The following RBMS1 variants were observed in gnomAD, a reference collection of about 807,000 sequenced individuals.
The protein encoded by RBMS1 is RNA binding motif single stranded interacting protein 1.
A neutral mutation model predicts 62.3 loss-of-function variants in RBMS1; 17 were observed. The ratio of observed to expected loss-of-function variants is 0.27; its 90% CI spans 0.19 to 0.41. The LOEUF (loss-of-function observed/expected upper bound fraction) is 0.41. Ranked by LOEUF, RBMS1 falls within the 10% of genes least tolerant of loss-of-function variation. RBMS1 has a pLI of 1.00. For synonymous variants in RBMS1, 172 were observed against 170.0 expected, an observed-to-expected ratio of 1.01 and a Z score of -0.09; for missense variants, 334 against 504.5, an observed-to-expected ratio of 0.66 and a Z score of 3.24.
intron 1 of RBMS1, among the ~76,000 whole-genome samples, chr2:160,401,697 A>G (rs913268904): frequency 6.6e-6 from 1 of 152,232 alleles, no homozygotes; most frequent in Non-Finnish European, 1.5e-5. Flanking sequence ...GCATATACTA[A>G]TAATCAAACC....
rs181931874 is a variant in RBMS1 at position 160,370,433 on chromosome 2, G to C, written c.76-3042C>G. Among the ~76,000 whole-genome samples the C allele has an allele frequency of 1.2e-4, 19 of 152,298 alleles. No individual in the cohort carries two copies. The East Asian group carries it at 3.5e-3, about 28-fold the overall frequency. The stretch of plus-strand genomic sequence containing the variant: ...GTGGATCACGGAGTCAGGAGTTCGA[G>C]ACCAGCCTGGCCACCATGGTGAAAC... On this transcript the variant is annotated intron_variant, in intron 1 of 13. Transcript: ENST00000348849.
intron 1 of RBMS1, among the ~76,000 whole-genome samples, chr2:160,487,165 T>C (rs1336986199): frequency 6.6e-6 from 1 of 152,234 alleles, no homozygotes; most frequent in Non-Finnish European, 1.5e-5. Flanking sequence ...AAAACAATGC[T>C]GGTAAGTAAA....
intron 6 of RBMS1, among the ~76,000 whole-genome samples, chr2:160,293,220 A>G: frequency 6.6e-6 from 1 of 152,208 alleles, no homozygotes; most frequent in Non-Finnish European, 1.5e-5. Context: ...CCTTTGAAAA[A>G]TCTCCAGGCC....
At chr2:160,475,707 T>A (rs1204415696) in intron 1 of RBMS1, among the ~76,000 whole-genome samples, 1 of 152,178 alleles carries the variant, frequency 6.6e-6, no homozygotes, top group African/African-American at 2.4e-5. Flanking sequence ...CAGTTTTAGG[T>A]CCTTAGAAAC....
At chr2:160,311,479 T>C (rs1689913000) in intron 4 of RBMS1, among the ~76,000 whole-genome samples, 1 of 152,014 alleles carries the variant, frequency 6.6e-6, no homozygotes, top group South Asian at 2.1e-4. Context: ...GGGAGGTAAC[T>C]TATCCGCTTA....
chr2:160,442,377 C>G (rs1284534931), intron 1 of RBMS1, among the ~76,000 whole-genome samples: 1 of 152,102 alleles, frequency 6.6e-6, no homozygotes, highest in Non-Finnish European at 1.5e-5. Flanking sequence ...CTTCTTAGTA[C>G]TACATTTGCC....
chr2:160,321,481 T>A (rs2105973047), intron 2 of RBMS1, among the ~76,000 whole-genome samples: 1 of 152,306 alleles, frequency 6.6e-6, no homozygotes, highest in Non-Finnish European at 1.5e-5. Flanking sequence ...CTTCCTTGTG[T>A]GTGTATGTGT....
intron 1 of RBMS1, among the ~76,000 whole-genome samples, chr2:160,471,526 G>A (rs1441703733): frequency 6.6e-6 from 1 of 151,176 alleles, no homozygotes; most frequent in African/African-American, 2.4e-5. Flanking sequence ...TATTTTTGGG[G>A]AGAGAGAAGC....
intron 2 of RBMS1, among the ~76,000 whole-genome samples, chr2:160,331,063 G>T (rs1298664959): frequency 6.6e-6 from 1 of 152,118 alleles, no homozygotes; most frequent in Non-Finnish European, 1.5e-5. Flanking sequence ...GCTGGAAGAG[G>T]TAACGAAGCA....
chr2:160,486,962 A>G (rs915066386), intron 1 of RBMS1, among the ~76,000 whole-genome samples: 1 of 152,262 alleles, frequency 6.6e-6, no homozygotes, highest in Admixed American at 6.5e-5. Flanking sequence ...TTTAAGGAGT[A>G]CATTTCCAAC....
Position 160,381,198 on chromosome 2 carries a change from C to T in RBMS1, c.76-13807G>A, listed in dbSNP as rs768980675. Reference sequence around the variant, plus strand: ...TATGCAAATCCTGGATAGCAGTCATCCTAGAAATAGATAAAACACTGGGAA... The same window carrying T: ...TATGCAAATCCTGGATAGCAGTCATTCTAGAAATAGATAAAACACTGGGAA... On this transcript the variant is annotated intron_variant, in intron 1 of 13. Coordinates refer to ENST00000348849, the MANE Select transcript of RBMS1 (RefSeq NM_016836.4). Among the ~76,000 whole-genome samples, 7 of 152,050 alleles carry T rather than the reference C, an allele frequency of 4.6e-5. No individual in the cohort carries two copies. The South Asian group carries it at 8.3e-4, about 18-fold the overall frequency.
At chr2:160,316,116 T>C (rs1373018677) in intron 3 of RBMS1, among the ~76,000 whole-genome samples, 6 of 152,226 alleles carry the variant, frequency 3.9e-5, no homozygotes, top group Admixed American at 2.0e-4. Context: ...GTCATCTATA[T>C]GCCTATCTAT....
intron 1 of RBMS1, among the ~76,000 whole-genome samples, chr2:160,385,772 A>G (rs893737878): frequency 9.2e-5 from 14 of 152,168 alleles, no homozygotes; most frequent in African/African-American, 3.4e-4. Flanking sequence ...AGATCATCCC[A>G]TCTACATTTT....
At chr2:160,280,639 T>C (rs1273512570) in intron 10 of RBMS1, among the ~76,000 whole-genome samples, 1 of 152,206 alleles carries the variant, frequency 6.6e-6, no homozygotes, top group East Asian at 1.9e-4. Flanking sequence ...TAGAGCCAAA[T>C]TTGTGATTTT....
At chr2:160,417,522 A>G (rs557356333) in intron 1 of RBMS1, among the ~76,000 whole-genome samples, 3 of 152,346 alleles carry the variant, frequency 2.0e-5, no homozygotes. Context: ...TCAGTGTCCT[A>G]TAAATATTCA....
intron 2 of RBMS1, among the ~76,000 whole-genome samples, chr2:160,360,289 G>C (rs970363096): frequency 6.6e-6 from 1 of 152,124 alleles, no homozygotes; most frequent in African/African-American, 2.4e-5. Flanking sequence ...AATGCAACTA[G>C]AGGCTTCCCT....
chr2:160,307,054 G>C (rs993428351), intron 4 of RBMS1, among the ~76,000 whole-genome samples: 12 of 152,102 alleles, frequency 7.9e-5, no homozygotes, highest in Non-Finnish European at 1.2e-4. Context: ...CCGTCAGAGT[G>C]ATAAACAGCT....
chr2:160,442,440 CT>C (rs1320722254), intron 1 of RBMS1, among the ~76,000 whole-genome samples: 1 of 152,076 alleles, frequency 6.6e-6, no homozygotes, highest in Non-Finnish European at 1.5e-5. Context: ...ATTTAAACAC[CT>C]TAGTTTACAT....
intron 2 of RBMS1, among the ~76,000 whole-genome samples, chr2:160,335,201 TA>T (rs1405169115): frequency 6.6e-6 from 1 of 152,098 alleles, no homozygotes; most frequent in Non-Finnish European, 1.5e-5. Flanking sequence ...AAACATCATT[TA>T]GGGGGAAATT....
Sources: gnomAD v4.1 joint callset for allele counts (sites outside exome capture counted in the v4.1 genomes callset) on GRCh38, gnomAD v4.1.1 for gene constraint, MANE v1.5 for transcripts, NCBI Gene and HGNC (gene_info 2026-07-23, HGNC 2026-07-21) for gene names.